Variants in CSMD1 observed in about 807,000 individuals in gnomAD.
The protein encoded by CSMD1 is CUB and sushi domain-containing protein 1.
Under a neutral mutation model 417.5 loss-of-function variants are expected in CSMD1, and 213 were observed. The ratio of observed to expected loss-of-function variants is 0.51; its 90% CI spans 0.46 to 0.57. The LOEUF is 0.57. CSMD1 is among the 20% of genes least tolerant of loss of function. The pLI, the probability that CSMD1 is intolerant of heterozygous loss-of-function variation, is 0.00. For missense variants in CSMD1, 6,923 were observed against 4,529.7 expected (o/e 1.53, Z -15.17); for synonymous variants, 2,862 against 1,736.8 (o/e 1.65, Z -16.11).
At chr8:4,497,517 G>C (rs1354789952) in intron 2 of CSMD1, among the ~76,000 whole-genome samples, 6 of 152,144 alleles carry the variant, frequency 3.9e-5, no homozygotes, top group Non-Finnish European at 8.8e-5. Context: ...CCCAAATCCA[G>C]CTTGTTCTGT....
intron 52 of CSMD1, among the ~76,000 whole-genome samples, chr8:3,007,158 A>C (rs1439394786): frequency 5.3e-5 from 8 of 149,986 alleles, no homozygotes; most frequent in African/African-American, 1.0e-4. Context: ...ATGCAGCCAA[A>C]AGACACATGA....
intron 1 of CSMD1, among the ~76,000 whole-genome samples, chr8:4,803,175 T>C (rs2117293629): frequency 6.6e-6 from 1 of 152,314 alleles, no homozygotes; most frequent in South Asian, 2.1e-4. Context: ...TTTGTTAATA[T>C]TCTTTAAGTT....
At chr8:3,946,152 C>T (rs1811209573) in intron 5 of CSMD1, among the ~76,000 whole-genome samples, 1 of 152,090 alleles carries the variant, frequency 6.6e-6, no homozygotes, top group African/African-American at 2.4e-5. Flanking sequence ...AATCCCAATG[C>T]ACCCTTTGAA....
At chr8:4,808,559 A>C (rs1479428317) in intron 1 of CSMD1, among the ~76,000 whole-genome samples, 1 of 152,152 alleles carries the variant, frequency 6.6e-6, no homozygotes, top group African/African-American at 2.4e-5. Flanking sequence ...ACAACTTAAT[A>C]TGTTCCTAGA....
At chr8:3,243,269 G>C (rs1300420285) in intron 26 of CSMD1, among the ~76,000 whole-genome samples, 2 of 152,122 alleles carry the variant, frequency 1.3e-5, no homozygotes, top group Non-Finnish European at 2.9e-5. Flanking sequence ...CAGGAGAACA[G>C]GGGATTGATC....
intron 3 of CSMD1, among the ~76,000 whole-genome samples, chr8:4,350,951 C>T (rs891633333): frequency 6.6e-6 from 1 of 152,132 alleles, no homozygotes; most frequent in Non-Finnish European, 1.5e-5. Context: ...TTGCTTTCTG[C>T]AAGTCATCGT....
intron 11 of CSMD1, among the ~76,000 whole-genome samples, chr8:3,479,271 A>G (rs1020683779): frequency 3.3e-5 from 5 of 152,058 alleles, no homozygotes; most frequent in African/African-American, 9.7e-5. Flanking sequence ...AGTTTTTGCC[A>G]TTATTTTTAT....
intron 3 of CSMD1, among the ~76,000 whole-genome samples, chr8:4,151,544 C>T (rs111812190): frequency 3.3e-5 from 5 of 152,248 alleles, no homozygotes; most frequent in African/African-American, 1.2e-4. Context: ...TAGACTTATA[C>T]CATAACATTA....
At chr8:4,962,566 T>C (rs1402920853) in intron 1 of CSMD1, among the ~76,000 whole-genome samples, 2 of 152,194 alleles carry the variant, frequency 1.3e-5, no homozygotes, top group Non-Finnish European at 2.9e-5. Context: ...TAGTTTACTA[T>C]AGGATTTTGG....
At chr8:3,964,056 A>G (rs1812511930) in intron 5 of CSMD1, among the ~76,000 whole-genome samples, 1 of 152,242 alleles carries the variant, frequency 6.6e-6, no homozygotes, top group Admixed American at 6.5e-5. Context: ...TTGATAGCAC[A>G]GCATGAGGTG....
chr8:4,081,581 A>C (rs887789780), intron 3 of CSMD1, among the ~76,000 whole-genome samples: 3 of 152,334 alleles, frequency 2.0e-5, no homozygotes, highest in African/African-American at 7.2e-5. Flanking sequence ...GACCCAGAAC[A>C]CTATACCCAA....
chr8:3,095,927 G>C (rs1039879800), intron 47 of CSMD1, among the ~76,000 whole-genome samples: 2 of 152,118 alleles, frequency 1.3e-5, no homozygotes, highest in East Asian at 1.9e-4. Flanking sequence ...CACGTGTTCA[G>C]TTAACCATAT....
intron 8 of CSMD1, among the ~76,000 whole-genome samples, chr8:3,602,827 G>A (rs948594816): frequency 1.3e-5 from 2 of 151,968 alleles, no homozygotes; most frequent in African/African-American, 4.8e-5. Context: ...TGATGATCAT[G>A]ACAAACTGGG....
chr8:3,035,049 AAAGT>A (rs1810581785), intron 50 of CSMD1, among the ~76,000 whole-genome samples: 5 of 152,032 alleles, frequency 3.3e-5, no homozygotes, highest in Non-Finnish European at 5.9e-5. Flanking sequence ...GACTTAAGAC[AAAGT>A]GGAGTTACAG....
chr8:4,764,754 T>G (rs910639267), intron 1 of CSMD1, among the ~76,000 whole-genome samples: 34 of 150,016 alleles, frequency 2.3e-4, no homozygotes, highest in Admixed American at 1.5e-3. Flanking sequence ...CTGCCTGTAG[T>G]CCCAGCTACT....
At chr8:4,249,053 C>G (rs566689134) in intron 3 of CSMD1, among the ~76,000 whole-genome samples, 1 of 152,140 alleles carries the variant, frequency 6.6e-6, no homozygotes, top group Non-Finnish European at 1.5e-5. Context: ...AATGAATTTA[C>G]TATTAATCTT....
At chr8:3,695,103 T>TAC (rs1800474743) in intron 7 of CSMD1, among the ~76,000 whole-genome samples, 3 of 151,458 alleles carry the variant, frequency 2.0e-5, no homozygotes, top group Admixed American at 6.6e-5. Context: ...TGTGTGTGTG[T>TAC]GTGTGTGTGT....
intron 8 of CSMD1, among the ~76,000 whole-genome samples, chr8:3,603,809 A>C (rs1801476923): frequency 6.6e-6 from 1 of 152,212 alleles, no homozygotes; most frequent in Admixed American, 6.5e-5. Context: ...GGGAAGAAGG[A>C]ATAACAATCA....
At position 4,907,639 on chromosome 8, in the gene CSMD1, A is replaced by G. The variant is rs200100042; in HGVS notation, c.85+86693T>C. ...CAGTGGCAAAAACATGGCTCACTGC[A>G]GCCTCAATTTTCCAGGCTCTAATGA... is the stretch of plus-strand genomic sequence containing the variant. On this transcript the variant is annotated intron_variant, in intron 1 of 69. Coordinates refer to ENST00000635120, the MANE Select transcript of CSMD1 (RefSeq NM_033225.6). Among the ~76,000 whole-genome samples the G allele has an allele frequency of 3.3e-5, 5 of 152,244 alleles. No homozygotes were observed. In the East Asian group the frequency reaches 9.6e-4, roughly 29 times the overall value.
Sources: allele counts gnomAD v4.1 joint callset (sites outside exome capture counted in the v4.1 genomes callset), GRCh38; gene constraint gnomAD v4.1.1; transcripts MANE v1.5; gene names NCBI Gene and HGNC (gene_info 2026-07-23, HGNC 2026-07-21).